The following CLCN4 variants were observed in gnomAD, a reference collection of about 807,000 sequenced individuals.
CLCN4 encodes the protein Cl-/H+ antiporter 4, also known as H(+)/Cl(-) exchange transporter 4.
CLCN4 carries 1 observed loss-of-function variant against 41.7 expected under a neutral mutation model. The ratio of observed to expected loss-of-function variants is 0.02; its 90% confidence interval spans 0.01 to 0.11. The LOEUF is 0.11. CLCN4 is among the 10% of genes least tolerant of loss of function. The pLI is 1.00. For synonymous variants in CLCN4, 277 were observed against 285.8 expected (o/e 0.97, Z 0.31); for missense variants, 287 against 661.0 (o/e 0.43, Z 6.20).
intron 2 of CLCN4, among the ~76,000 whole-genome samples, chrX:10,161,657 G>A (rs6639003): frequency 0.14 from 15,860 of 110,464 alleles, 1,667 homozygotes; most frequent in East Asian, 0.84. Flanking sequence ...TGATGTGTTC[G>A]GCAGCCCCTC....
chrX:10,185,633 C>T (rs1430341843), intron 3 of CLCN4, among the ~76,000 whole-genome samples: 1 of 111,808 alleles, frequency 8.9e-6, no homozygotes, highest in Non-Finnish European at 1.9e-5. Flanking sequence ...GGTAACATTT[C>T]AGTTGGGTCT....
chrX:10,228,267 G>T (rs1386136883), intron 12 of CLCN4, among the ~76,000 whole-genome samples: 1 of 108,305 alleles, frequency 9.2e-6, no homozygotes, highest in African/African-American at 3.4e-5. Flanking sequence ...AAATGAGGAG[G>T]TGAGACTCTA....
At chrX:10,194,311 C>T (rs538256564) in intron 4 of CLCN4, among the ~76,000 whole-genome samples, 7 of 112,130 alleles carry the variant, frequency 6.2e-5, no homozygotes, top group African/African-American at 2.3e-4. Flanking sequence ...CATTCAACTG[C>T]ACATTCCGTT....
At chrX:10,231,445 T>C (rs1823258422) in intron 12 of CLCN4, among the ~76,000 whole-genome samples, 1 of 112,020 alleles carries the variant, frequency 8.9e-6, no homozygotes, top group Admixed American at 9.5e-5. Flanking sequence ...GTTTGTGCAT[T>C]GCATTCTTTT....
In CLCN4 at chrX:10,204,480, TA is replaced by T. The variant is rs781406045; in HGVS notation, c.556-1873del. On this transcript the variant is annotated intron_variant, in intron 6 of 12. Transcript: ENST00000380833. ...CAGAAAAGTTGAAAGAATTGGACAG[TA>T]AAAATTCATTAATTCATTGCCTCCA... is the stretch of plus-strand genomic sequence containing the variant. Among the ~76,000 whole-genome samples the T allele has an allele frequency of 4.1e-3, 453 of 111,744 alleles. 3 individuals carry two copies. The highest frequency in any genetic ancestry group is 0.014 in the African/African-American group (437 of 30,840).
intron 12 of CLCN4, among the ~76,000 whole-genome samples, chrX:10,224,187 G>A (rs1432773925): frequency 9.1e-6 from 1 of 110,315 alleles, no homozygotes; most frequent in Non-Finnish European, 1.9e-5. Context: ...CAGTCACAGA[G>A]CTTTAAAAGG....
At chrX:10,193,799 A>T (rs1924027434) in intron 4 of CLCN4, among the ~76,000 whole-genome samples, 1 of 111,316 alleles carries the variant, frequency 9.0e-6, no homozygotes, top group Admixed American at 9.5e-5. Flanking sequence ...TGTGGGCCAG[A>T]TTTGGCCCAT....
At chrX:10,199,910 C>T (rs1424437803) in intron 6 of CLCN4, among the ~76,000 whole-genome samples, 3 of 111,352 alleles carry the variant, frequency 2.7e-5, no homozygotes, top group Non-Finnish European at 5.7e-5. Flanking sequence ...GGATGTGTAC[C>T]ACCATGCCTG....
At chrX:10,162,538 G>C (rs774856320) in intron 2 of CLCN4, among the ~76,000 whole-genome samples, 4 of 112,679 alleles carry the variant, frequency 3.5e-5, no homozygotes, top group Non-Finnish European at 7.5e-5. Context: ...AGTGTTTAGA[G>C]ATGAAGTGTC....
intron 2 of CLCN4, among the ~76,000 whole-genome samples, chrX:10,178,179 G>A (rs2147164074): frequency 9.3e-6 from 1 of 107,251 alleles, no homozygotes; most frequent in South Asian, 4.5e-4. Context: ...GTCATTTTTA[G>A]GGGGGTGAAA....
At position 10,208,243 on chromosome X, in the gene CLCN4, C is replaced by G. The variant is rs775867000; in HGVS notation, c.1042C>G (p.Leu348Val). 1.7e-6 allele frequency: 2 copies of G among 1,209,310 alleles called. No individual in the cohort carries two copies. The highest frequency in any genetic ancestry group is 3.0e-5 in the East Asian group (1 of 33,737). ...GGTCTTCGGGGGCTTGTGGGGAACC[C>G]TCTTCATCCGCTGCAACATCGCCTG... Reference protein sequence around the residue: ...LGVFGGLWGTLFIRCNIAWCR... With the variant: ...LGVFGGLWGTVFIRCNIAWCR... The change falls in exon 9 of 13, where the codon CTC becomes GTC. Residue 348 changes from leucine to valine, a missense_variant. Coordinates refer to ENST00000380833, the MANE Select transcript of CLCN4 (RefSeq NM_001830.4).
chrX:10,168,556 TCA>T (rs928674501), intron 2 of CLCN4, among the ~76,000 whole-genome samples: 1 of 112,569 alleles, frequency 8.9e-6, no homozygotes, highest in African/African-American at 3.2e-5. Flanking sequence ...ATGAAAAACC[TCA>T]CTTTTGTAAA....
At chrX:10,230,796 T>G (rs1026775406) in intron 12 of CLCN4, among the ~76,000 whole-genome samples, 3 of 112,501 alleles carry the variant, frequency 2.7e-5, no homozygotes, top group African/African-American at 9.7e-5. Flanking sequence ...TGTCAATATC[T>G]TGCATTACTG....
intron 5 of CLCN4, among the ~76,000 whole-genome samples, chrX:10,196,745 C>T (rs904679687): frequency 9.0e-6 from 1 of 111,416 alleles, no homozygotes; most frequent in Admixed American, 9.5e-5. Context: ...TTGATGGGAG[C>T]GGGCAGACAG....
chrX:10,194,775 C>T (rs1924053672), intron 4 of CLCN4, 136 bp from the exon 5 acceptor site: 1 of 539,444 alleles, frequency 1.9e-6, no homozygotes, highest in African/African-American at 2.3e-5. Flanking sequence ...TAAGTGACAG[C>T]CCCATTGCAA....
At chrX:10,200,129 G>C in intron 6 of CLCN4, among the ~76,000 whole-genome samples, 1 of 112,028 alleles carries the variant, frequency 8.9e-6, no homozygotes, top group Non-Finnish European at 1.9e-5. Flanking sequence ...CTGGGCTCAA[G>C]TGATCCTCCC....
chrX:10,223,380 C>G (rs1452331987), intron 12 of CLCN4, among the ~76,000 whole-genome samples: 1 of 112,195 alleles, frequency 8.9e-6, no homozygotes, highest in South Asian at 3.7e-4. Flanking sequence ...CTGTGAAGAT[C>G]TGGGTGCCGA....
intron 2 of CLCN4, among the ~76,000 whole-genome samples, chrX:10,166,974 G>T (rs1365367966): frequency 8.9e-6 from 1 of 112,174 alleles, no homozygotes; most frequent in East Asian, 2.8e-4. Context: ...AGCCTGCCAT[G>T]GTCACACAAC....
At chrX:10,173,756 G>A (rs1923445117) in intron 2 of CLCN4, among the ~76,000 whole-genome samples, 1 of 112,141 alleles carries the variant, frequency 8.9e-6, no homozygotes, top group South Asian at 3.7e-4. Context: ...GAAGCCCAGG[G>A]GATGCGCATG....
Sources: gnomAD v4.1 joint callset for allele counts (sites outside exome capture counted in the v4.1 genomes callset) on GRCh38, gnomAD v4.1.1 for gene constraint, MANE v1.5 for transcripts, NCBI Gene and HGNC (gene_info 2026-07-23, HGNC 2026-07-21) for gene names.